Variants in ADGRL3 observed in about 807,000 individuals in gnomAD.
The protein encoded by ADGRL3 is calcium-independent alpha-latrotoxin receptor 3.
Under a neutral mutation model 153.5 loss-of-function variants are expected in ADGRL3, and 62 were observed. That is an observed-to-expected ratio of 0.40 (90% CI 0.33 to 0.50). The LOEUF is 0.50. Among genes scored for constraint, ADGRL3 ranks in the 20% least tolerant of loss-of-function variants. The pLI is 0.47. For synonymous variants in ADGRL3, 710 were observed against 672.5 expected (o/e 1.06, Z -0.86); for missense variants, 1,641 against 1,859.4 (o/e 0.88, Z 2.16).
intron 2 of ADGRL3, among the ~76,000 whole-genome samples, chr4:61,383,979 A>G (rs958596989): frequency 6.6e-6 from 1 of 151,874 alleles, no homozygotes; most frequent in African/African-American, 2.4e-5. Context: ...AATATTTGAA[A>G]TATCAACTTT....
At chr4:61,993,057 T>G (rs2099108843) in intron 19 of ADGRL3, among the ~76,000 whole-genome samples, 1 of 152,006 alleles carries the variant, frequency 6.6e-6, no homozygotes, top group Non-Finnish European at 1.5e-5. Flanking sequence ...TTCAAAAACT[T>G]ATTTGACCTA....
At chr4:61,545,404 A>T (rs2098708937) in intron 4 of ADGRL3, among the ~76,000 whole-genome samples, 1 of 152,192 alleles carries the variant, frequency 6.6e-6, no homozygotes, top group African/African-American at 2.4e-5. Flanking sequence ...CCCTAGAGAC[A>T]GAGGTTGGGG....
At chr4:61,456,488 GATATAT>G (rs1560665558) in intron 2 of ADGRL3, among the ~76,000 whole-genome samples, 1 of 52,960 alleles carries the variant, frequency 1.9e-5, no homozygotes, top group Non-Finnish European at 4.5e-5. Flanking sequence ...TATATATATA[GATATAT>G]CTATATCTAT....
intron 4 of ADGRL3, among the ~76,000 whole-genome samples, chr4:61,568,563 A>G (rs550656319): frequency 2.6e-5 from 4 of 152,294 alleles, no homozygotes; most frequent in Non-Finnish European, 5.9e-5. Flanking sequence ...TAAATTTCCC[A>G]TGATAATATA....
At chr4:61,499,732 A>G (rs1429913775) in intron 3 of ADGRL3, among the ~76,000 whole-genome samples, 3 of 152,196 alleles carry the variant, frequency 2.0e-5, no homozygotes, top group Admixed American at 6.6e-5. Flanking sequence ...AAAAAGAAAA[A>G]TACCTACATA....
chr4:61,696,690 T>TTG, intron 6 of ADGRL3, among the ~76,000 whole-genome samples: 1 of 146,994 alleles, frequency 6.8e-6, no homozygotes. Flanking sequence ...TTTTTTTTTT[T>TTG]TGTGAGATGG....
At chr4:61,920,823 C>T (rs532688208) in intron 13 of ADGRL3, among the ~76,000 whole-genome samples, 2 of 152,224 alleles carry the variant, frequency 1.3e-5, no homozygotes, top group South Asian at 2.1e-4. Flanking sequence ...CAAACTATTC[C>T]TTATTATATC....
At chr4:61,554,920 G>A (rs894416163) in intron 4 of ADGRL3, among the ~76,000 whole-genome samples, 1 of 152,148 alleles carries the variant, frequency 6.6e-6, no homozygotes, top group Non-Finnish European at 1.5e-5. Flanking sequence ...GTATGGAGAA[G>A]ATATTAGACA....
chr4:61,459,020 GAAT>G (rs2097782407), intron 2 of ADGRL3, among the ~76,000 whole-genome samples: 1 of 151,262 alleles, frequency 6.6e-6, no homozygotes, highest in Non-Finnish European at 1.5e-5. Context: ...GAGTTATGTT[GAAT>G]ATTAAACAGA....
intron 1 of ADGRL3, among the ~76,000 whole-genome samples, chr4:61,259,473 A>G (rs1429446810): frequency 1.3e-5 from 2 of 151,560 alleles, no homozygotes; most frequent in African/African-American, 4.8e-5. Flanking sequence ...TAAATAAGGC[A>G]TGACAATTTA....
At chr4:62,005,542 G>T (rs907015500) in intron 21 of ADGRL3, among the ~76,000 whole-genome samples, 1 of 152,128 alleles carries the variant, frequency 6.6e-6, no homozygotes, top group South Asian at 2.1e-4. Flanking sequence ...TATCTAAGGG[G>T]AAAATGTCTT....
intron 2 of ADGRL3, among the ~76,000 whole-genome samples, chr4:61,432,667 TTTTG>T (rs1426690238): frequency 2.8e-5 from 4 of 144,772 alleles, no homozygotes; most frequent in African/African-American, 1.0e-4. Flanking sequence ...TTTTTTTTTT[TTTTG>T]AGACAGAATT....
In ADGRL3 at chr4:61,464,447, A is replaced by C. The variant is rs184906841; in HGVS notation, c.-173-32674A>C. Among the ~76,000 whole-genome samples, 641 of 152,270 alleles carry C rather than the reference A, an allele frequency of 4.2e-3. 2 individuals are homozygous for C. Among genetic ancestry groups the C allele is most frequent in the Non-Finnish European group, 6.0e-3 (409 of 68,010 alleles). ...TCCCTCAATTGACCAGGATTTTTTC[A>C]TTTCTAAAATTTAACTTTTGATCTG... On this transcript the variant is annotated intron_variant, in intron 2 of 26. Transcript: ENST00000683033.
chr4:61,917,996 G>A (rs1409320910), intron 13 of ADGRL3, among the ~76,000 whole-genome samples: 1 of 152,096 alleles, frequency 6.6e-6, no homozygotes, highest in African/African-American at 2.4e-5. Flanking sequence ...TTTCTGAGGA[G>A]GGCTAACTCT....
chr4:61,620,857 T>C (rs1013591498), intron 5 of ADGRL3, among the ~76,000 whole-genome samples: 4 of 151,874 alleles, frequency 2.6e-5, no homozygotes, highest in Admixed American at 2.6e-4. Flanking sequence ...GCCAGGATGG[T>C]CTCCATCTCC....
intron 21 of ADGRL3, among the ~76,000 whole-genome samples, chr4:62,003,298 G>T (rs1235133360): frequency 6.6e-6 from 1 of 152,124 alleles, no homozygotes; most frequent in African/African-American, 2.4e-5. Flanking sequence ...GGTTGGCAAA[G>T]ACTCTGTCAG....
intron 1 of ADGRL3, among the ~76,000 whole-genome samples, chr4:61,222,365 A>G (rs74356365): frequency 0.019 from 2,942 of 152,270 alleles, 103 homozygotes; most frequent in African/African-American, 0.066. Flanking sequence ...GATATATAAT[A>G]TAGAGTGATC....
intron 1 of ADGRL3, among the ~76,000 whole-genome samples, chr4:61,325,650 C>A (rs2095448777): frequency 6.6e-6 from 1 of 152,094 alleles, no homozygotes; most frequent in African/African-American, 2.4e-5. Flanking sequence ...ATCCTATAGT[C>A]TAGCTTTATT....
intron 1 of ADGRL3, among the ~76,000 whole-genome samples, chr4:61,255,384 T>A (rs115178458): frequency 0.019 from 2,831 of 151,936 alleles, 92 homozygotes; most frequent in African/African-American, 0.065. Flanking sequence ...TTCTGTAAAA[T>A]TTTTTTTTCT....
Sources: gnomAD v4.1 joint callset for allele counts (sites outside exome capture counted in the v4.1 genomes callset) on GRCh38, gnomAD v4.1.1 for gene constraint, MANE v1.5 for transcripts, NCBI Gene and HGNC (gene_info 2026-07-23, HGNC 2026-07-21) for gene names.